The following MAPT variants were observed in gnomAD, a reference collection of about 807,000 sequenced individuals.
MAPT encodes the protein microtubule associated protein tau, also known as microtubule-associated protein tau.
Under a neutral mutation model 67.9 loss-of-function variants are expected in MAPT, and 34 were observed. The ratio of observed to expected loss-of-function variants is 0.50; its 90% CI spans 0.38 to 0.67. The LOEUF is 0.67. Among genes scored for constraint, MAPT ranks in the 30% least tolerant of loss-of-function variants. The probability of loss-of-function intolerance (pLI) is 0.00; values close to 1 mark genes in which losing one functional copy is unlikely to be tolerated. For synonymous variants in MAPT, 456 were observed against 464.5 expected (o/e 0.98, Z 0.23); for missense variants, 881 against 1,115.2 (o/e 0.79, Z 2.99).
chr17:45,970,193 C>G (rs2071517067), intron 2 of MAPT, among the ~76,000 whole-genome samples: 1 of 152,200 alleles, frequency 6.6e-6, no homozygotes, highest in African/African-American at 2.4e-5. Context: ...TTCAATTATA[C>G]ATACACACAT....
chr17:45,936,109 G>C (rs79857651), intron 1 of MAPT, among the ~76,000 whole-genome samples: 1 of 151,920 alleles, frequency 6.6e-6, no homozygotes, highest in African/African-American at 2.4e-5. Flanking sequence ...TGTGTTGACC[G>C]AGGGGTCACT....
chr17:45,919,249 A>G (rs1476776191), intron 1 of MAPT, among the ~76,000 whole-genome samples: 1 of 151,700 alleles, frequency 6.6e-6, no homozygotes, highest in Non-Finnish European at 1.5e-5. Context: ...TCCTGCCTCC[A>G]CCGGGCCCCT....
intron 1 of MAPT, among the ~76,000 whole-genome samples, chr17:45,952,990 G>A (rs895232891): frequency 1.1e-4 from 15 of 135,800 alleles, no homozygotes; most frequent in Admixed American, 6.8e-4. Context: ...AGACTCCTGG[G>A]AATCATAACA....
At chr17:45,932,510 C>A (rs62061712) in intron 1 of MAPT, among the ~76,000 whole-genome samples, 21,640 of 147,200 alleles carry the variant, frequency 0.15, 2,121 homozygotes, top group Middle Eastern at 0.23. Context: ...GAATCGCTTG[C>A]ACCTGAGAGG....
intron 1 of MAPT, among the ~76,000 whole-genome samples, chr17:45,917,291 C>T (rs780381636): frequency 3.5e-4 from 54 of 152,326 alleles, no homozygotes; most frequent in Non-Finnish European, 6.8e-4. Context: ...ACGCTAAGGT[C>T]GAGTGGTCGG....
intron 6 of MAPT, among the ~76,000 whole-genome samples, chr17:45,988,216 C>G (rs1026790053): frequency 6.6e-6 from 1 of 152,192 alleles, no homozygotes; most frequent in Non-Finnish European, 1.5e-5. Flanking sequence ...CCTTACCAAG[C>G]CTGACCACAC....
chr17:45,950,000 T>G (rs62062797), intron 1 of MAPT, among the ~76,000 whole-genome samples: 21,811 of 151,984 alleles, frequency 0.14, 2,138 homozygotes, highest in Non-Finnish European at 0.22. Flanking sequence ...CAGAGATTTG[T>G]TTGGGGAGGA....
At chr17:45,918,690 G>A (rs1597921584) in intron 1 of MAPT, among the ~76,000 whole-genome samples, 2 of 152,200 alleles carry the variant, frequency 1.3e-5, no homozygotes, top group Admixed American at 6.5e-5. Flanking sequence ...GGGACTCTTA[G>A]TGTATTAGTC....
intron 1 of MAPT, among the ~76,000 whole-genome samples, chr17:45,908,710 C>G (rs1791009097): frequency 6.6e-6 from 1 of 152,190 alleles, no homozygotes; most frequent in Non-Finnish European, 1.5e-5. Flanking sequence ...AGGGTACTTT[C>G]ATGGCGTTGA....
Position 45,983,138 on chromosome 17 carries a change from G to T in MAPT, c.559G>T (p.Ala187Ser). The T allele has an allele frequency of 1.3e-6, 2 of 1,589,056 alleles. No individual in the cohort carries two copies. The highest frequency in any genetic ancestry group is 1.7e-6 in the Non-Finnish European group (2 of 1,167,180). The change falls in exon 5 of 13, where the codon GCC becomes TCC. Residue 187 changes from alanine (A) to serine (S), a missense_variant. Ala to Ser is a moderately conservative substitution (Grantham distance 99). This residue lies in a region of MAPT where 687 missense variants were observed against 766.1 expected (regional missense o/e 0.90). Transcript: ENST00000262410. ...CGGGGACTGGGCCGAGAAGGGTCCGGCCTTTCCGAAGCCCGCCACCACTGC... is the reference window on the plus strand; with the variant it reads ...CGGGGACTGGGCCGAGAAGGGTCCGTCCTTTCCGAAGCCCGCCACCACTGC... ...KGGDWAEKGP[A>S]FPKPATTAYL...
At chr17:45,987,570 G>T (rs762372459) in intron 6 of MAPT, among the ~76,000 whole-genome samples, 1 of 152,182 alleles carries the variant, frequency 6.6e-6, no homozygotes, top group Non-Finnish European at 1.5e-5. Flanking sequence ...TCCCGTAATT[G>T]CACAGTGGCG....
chr17:46,018,315 T>G (rs148111193), intron 11 of MAPT, among the ~76,000 whole-genome samples: 6 of 152,308 alleles, frequency 3.9e-5, no homozygotes, highest in Middle Eastern at 3.4e-3. Flanking sequence ...GCAAACTATT[T>G]TCAAGAGCTT....
At chr17:46,016,227 A>G (rs2076168476) in intron 11 of MAPT, among the ~76,000 whole-genome samples, 1 of 152,106 alleles carries the variant, frequency 6.6e-6, no homozygotes, top group Non-Finnish European at 1.5e-5. Context: ...CCCCATGTCT[A>G]CTAAAAATAC....
intron 1 of MAPT, among the ~76,000 whole-genome samples, chr17:45,937,805 C>A (rs2067486632): frequency 6.6e-6 from 1 of 152,090 alleles, no homozygotes; most frequent in African/African-American, 2.4e-5. Flanking sequence ...AAATAGAAAG[C>A]ACTCTGGAGG....
At chr17:45,990,139 T>C (rs1203913456) in intron 7 of MAPT, 64 bp downstream of exon 7, 2 of 1,475,626 alleles carry the variant, frequency 1.4e-6, no homozygotes, top group East Asian at 4.5e-5. Flanking sequence ...GTGGGGTTTG[T>C]TTATTTGTTT....
In MAPT at chr17:45,996,715, G is replaced by A. The variant is rs1205848609; in HGVS notation, c.1998+51G>A. ...GGTGTGGGGGGCTGCGCCTGGAGGG[G>A]TAGGGCTGTGCCTGGAAGGGTAGGG... On this transcript the variant is annotated intron_variant, in intron 9 of 12. Coordinates refer to ENST00000262410, the MANE Select transcript of MAPT (RefSeq NM_001377265.1). The surrounding 1 kb of genome is among the most constrained non-coding windows in gnomAD (Gnocchi z 4.5). 3 of 1,603,054 alleles carry A rather than the reference G, an allele frequency of 1.9e-6. No individual in the cohort carries two copies. The highest frequency in any genetic ancestry group is 2.2e-5 in the East Asian group (1 of 44,642).
rs370088436 is a variant in MAPT, at chr17:45,996,915, G to C, written c.1998+251G>C. Among the ~76,000 whole-genome samples the C allele has an allele frequency of 2.2e-4, 34 of 152,344 alleles. No homozygotes were observed. In the East Asian group the frequency reaches 4.4e-3, roughly 20 times the overall value. ...CACTGTGAGTGCCCTCCTCAGGCGA[G>C]AGAACGTTCTGGCTCTTCTCTTGCC... On this transcript the variant is annotated intron_variant, in intron 9 of 12. Transcript: ENST00000262410. This position sits in a 1 kb window ranked among gnomAD's most constrained non-coding sequence, Gnocchi z 4.5.
intron 3 of MAPT, 98 bp from the exon 4 acceptor site, chr17:45,978,277 G>A: frequency 2.1e-6 from 2 of 954,324 alleles, no homozygotes; most frequent in Non-Finnish European, 3.5e-6. Context: ...TTTCCTGAAT[G>A]TTTAAGGGAA....
intron 1 of MAPT, among the ~76,000 whole-genome samples, chr17:45,937,855 C>A (rs2067490464): frequency 6.6e-6 from 1 of 152,168 alleles, no homozygotes; most frequent in Admixed American, 6.5e-5. Flanking sequence ...GCCACTTTCC[C>A]AGCTGAGGAC....
Sources: allele counts gnomAD v4.1 joint callset (sites outside exome capture counted in the v4.1 genomes callset), GRCh38; gene constraint gnomAD v4.1.1; regional missense constraint gnomAD v4.1.1; non-coding constraint Gnocchi (gnomAD v3.1); transcripts MANE v1.5; gene names NCBI Gene and HGNC (gene_info 2026-07-23, HGNC 2026-07-21).